The following CLIP3 variants were observed in gnomAD, a reference collection of about 807,000 sequenced individuals.
CLIP3 encodes CAP-Gly domain containing linker protein 3.
Under a neutral mutation model 59.4 loss-of-function variants are expected in CLIP3, and 15 were observed. The observed-to-expected ratio is 0.25, with a 90% CI of 0.17 to 0.39. CLIP3 has a LOEUF of 0.39. Among genes scored for constraint, CLIP3 ranks in the 10% least tolerant of loss-of-function variants. CLIP3 has a pLI of 1.00. For synonymous variants in CLIP3, 300 were observed against 321.6 expected (o/e 0.93, Z 0.72); for missense variants, 495 against 765.7 (o/e 0.65, Z 4.17).
chr19:36,017,936 C>T lies in CLIP3; in HGVS notation c.1239G>A (p.Gly413=), dbSNP rs1311285974. 6.2e-7 allele frequency: 1 copy of T among 1,614,076 alleles called. No individual in the cohort carries two copies. ...PSLGSLQQRD[G]AKAEVGDQVL... The stretch of plus-strand genomic sequence containing the variant: ...CCTGGTCTCCAACCTCAGCCTTGGC[C>T]CCGTCACGCTGCTGCAAGCTGCCCA... Residue 413 remains glycine, a synonymous_variant, in exon 10 of 14, where the codon GGG becomes GGA. Coordinates refer to ENST00000360535, the MANE Select transcript of CLIP3 (RefSeq NM_015526.3).
chr19:36,030,995 C>CT (rs1263492540), intron 2 of CLIP3, among the ~76,000 whole-genome samples: 14 of 113,340 alleles, frequency 1.2e-4, no homozygotes, highest in African/African-American at 4.4e-4. Context: ...TTTCTTTTTT[C>CT]TTTTTTTCTT....
chr19:36,021,433 C>T (rs373206382), intron 7 of CLIP3, among the ~76,000 whole-genome samples: 49 of 151,004 alleles, frequency 3.2e-4, no homozygotes, highest in East Asian at 1.2e-3. Flanking sequence ...TACAGGTGTG[C>T]GCCACCATGC....
intron 7 of CLIP3, among the ~76,000 whole-genome samples, chr19:36,019,795 G>T (rs1273149669): frequency 2.0e-5 from 3 of 151,592 alleles, no homozygotes; most frequent in African/African-American, 7.3e-5. Flanking sequence ...TAGAGACGGG[G>T]CTTCGCCATG....
chr19:36,024,251 A>G, intron 7 of CLIP3, 145 bp downstream of exon 7: 1 of 669,828 alleles, frequency 1.5e-6, no homozygotes, highest in Non-Finnish European at 2.5e-6. Flanking sequence ...AACAACTGAG[A>G]TAAAATCAAG....
In CLIP3 at chr19:36,017,941, C is replaced by CA; in HGVS notation, c.1233dup (p.Asp412Ter). The stretch of plus-strand genomic sequence containing the variant: ...TCTCCAACCTCAGCCTTGGCCCCGT[C>CA]ACGCTGCTGCAAGCTGCCCAGAGAT... On this transcript the variant is annotated frameshift_variant, in exon 10 of 14. Transcript: ENST00000360535. LOFTEE classifies it high-confidence loss of function. 6.2e-7 allele frequency: 1 copy of CA among 1,614,154 alleles called. No individual in the cohort carries two copies.
rs930253954 is a variant in CLIP3, at chr19:36,015,037, CTG to C, written c.*1119_*1120del. 2.6e-5 allele frequency: 4 copies of C among 152,226 alleles called. No homozygotes were observed. The highest frequency in any genetic ancestry group is 9.7e-5 in the African/African-American group (4 of 41,422). The allele number at this position is 152,226 out of a possible 1,614,324, so 9.4% of individuals were successfully genotyped here. On this transcript the variant is annotated 3_prime_UTR_variant, in exon 14 of 14. Coordinates refer to ENST00000360535, the MANE Select transcript of CLIP3 (RefSeq NM_015526.3). ...CTCCAGTTTCCAGGGATGGGAATTC[CTG>C]TGTGGGGTTTCCTGGTGCCTGTGAA...
intron 2 of CLIP3, among the ~76,000 whole-genome samples, chr19:36,029,407 C>A (rs1969200900): frequency 1.3e-5 from 2 of 151,476 alleles, no homozygotes; most frequent in South Asian, 4.2e-4. Context: ...CTGCTTCAGC[C>A]TCCCTGGTAG....
At position 36,017,922 on chromosome 19, in the gene CLIP3, A is replaced by G. The variant is rs767691706; in HGVS notation, c.1253T>C (p.Val418Ala). ...LQQRDGAKAE[V>A]GDQVLVAGQK... ...GCCCGCGACAAGGACCTGGTCTCCAACCTCAGCCTTGGCCCCGTCACGCTG... is the reference window on the plus strand; with the variant it reads ...GCCCGCGACAAGGACCTGGTCTCCAGCCTCAGCCTTGGCCCCGTCACGCTG... The change falls in exon 10 of 14, where the codon GTT (valine) becomes GCT (alanine). Residue 418 changes from valine to alanine, a missense_variant. By Grantham distance (64) the Val-to-Ala change is moderately conservative (BLOSUM62 0). Around this residue, in one of 5 missense-constraint regions of CLIP3, gnomAD observed 179 missense variants for 226.2 expected, o/e 0.79. Coordinates refer to ENST00000360535, the MANE Select transcript of CLIP3 (RefSeq NM_015526.3). The G allele has an allele frequency of 3.1e-6, 5 of 1,614,090 alleles. No homozygotes were observed. In the Middle Eastern group the frequency reaches 4.9e-4, roughly 160 times the overall value.
At chr19:36,020,716 G>T (rs1968930568) in intron 7 of CLIP3, among the ~76,000 whole-genome samples, 1 of 152,188 alleles carries the variant, frequency 6.6e-6, no homozygotes, top group South Asian at 2.1e-4. Flanking sequence ...GTAGCTTGTA[G>T]CTACTTTACT....
In CLIP3 at chr19:36,018,142, G is replaced by A. The variant is rs1968851272; in HGVS notation, c.1184-151C>T. On this transcript the variant is annotated intron_variant, in intron 9 of 13. Coordinates refer to ENST00000360535, the MANE Select transcript of CLIP3 (RefSeq NM_015526.3). ...GCCAGAGAATTAGGAAGGGGCTTTA[G>A]GCCTGAAGGGAAACTGAGTCAGAGA... The A allele has an allele frequency of 3.4e-6, 3 of 894,162 alleles. No individual in the cohort carries two copies. The Admixed American group carries it at 8.5e-5, about 25-fold the overall frequency. The allele number at this position is 894,162 out of a possible 1,614,324, so 55.4% of individuals were successfully genotyped here.
chr19:36,024,330 TC>T lies in CLIP3; in HGVS notation c.918+65del, dbSNP rs1969035252. 148 of 1,420,358 alleles carry T rather than the reference TC, an allele frequency of 1.0e-4. 3 individuals carry two copies. In the South Asian group the frequency reaches 1.5e-3, roughly 14 times the overall value. 88.0% of individuals were successfully genotyped at this position (1,420,358 alleles called of 1,614,324 possible). A position where few individuals can be genotyped will look rare whatever the true frequency, so the allele number is the denominator to read the frequency against. On this transcript the variant is annotated intron_variant, in intron 7 of 13. Coordinates refer to ENST00000360535, the MANE Select transcript of CLIP3 (RefSeq NM_015526.3). ...ACTGCACTCTGCCCGAGGACGCAGC[TC>T]CAAGGGATTAAGGGGCTGAGTCCCA...
Position 36,026,107 on chromosome 19 carries a change from G to T in CLIP3, c.681+40C>A. On this transcript the variant is annotated intron_variant, in intron 6 of 13. Coordinates refer to ENST00000360535, the MANE Select transcript of CLIP3 (RefSeq NM_015526.3). The surrounding 1 kb of genome is among the most constrained non-coding windows in gnomAD (Gnocchi z 6.3). Reference sequence around the variant, plus strand: ...GCTGGAGGGAAGTGGGGGAGGAAGGGAGCAGGAGGGTAACGGGTTCTGGGC... The same window carrying T: ...GCTGGAGGGAAGTGGGGGAGGAAGGTAGCAGGAGGGTAACGGGTTCTGGGC... 1 of 1,487,130 alleles carries T rather than the reference G, an allele frequency of 6.7e-7. No individual in the cohort carries two copies. Among genetic ancestry groups the T allele is most frequent in the Non-Finnish European group, 9.4e-7 (1 of 1,066,818 alleles). 92.1% of individuals were successfully genotyped at this position (1,487,130 alleles called of 1,614,324 possible). A position where few individuals can be genotyped will look rare whatever the true frequency, so the allele number is the denominator to read the frequency against.
At chr19:36,025,610 TAGAG>T (rs932030527) in intron 6 of CLIP3, among the ~76,000 whole-genome samples, 19 of 144,528 alleles carry the variant, frequency 1.3e-4, no homozygotes, top group Admixed American at 8.2e-4. Flanking sequence ...AAAAAAAAAT[TAGAG>T]AGAGTGAGAG....
chr19:36,016,000 T>C lies in CLIP3; in HGVS notation c.*158A>G. 6.9e-6 allele frequency: 5 copies of C among 719,998 alleles called. No individual in the cohort carries two copies. The highest frequency in any genetic ancestry group is 1.2e-5 in the Non-Finnish European group (5 of 407,298). 44.6% of individuals were successfully genotyped at this position (719,998 alleles called of 1,614,324 possible). A position where few individuals can be genotyped will look rare whatever the true frequency, so the allele number is the denominator to read the frequency against. ...GTATTTGGGGGTTATTATGGGAGTA[T>C]CTGTTAATAATGGGGCCTCAATGAT... is the stretch of plus-strand genomic sequence containing the variant. On this transcript the variant is annotated 3_prime_UTR_variant, in exon 14 of 14. Transcript: ENST00000360535.
Position 36,032,551 on chromosome 19 carries a change from G to A in CLIP3, c.-58-136C>T. 5.1e-6 allele frequency: 2 copies of A among 390,242 alleles called. No homozygotes were observed. Among genetic ancestry groups the A allele is most frequent in the Non-Finnish European group, 9.0e-6 (2 of 221,290 alleles). The allele number at this position is 390,242 out of a possible 1,614,324, so 24.2% of individuals were successfully genotyped here. On this transcript the variant is annotated intron_variant, in intron 1 of 13. Coordinates refer to ENST00000360535, the MANE Select transcript of CLIP3 (RefSeq NM_015526.3). The surrounding 1 kb of genome is among the most constrained non-coding windows in gnomAD (Gnocchi z 4.3). ...TAGGGACCCCCGTTACCCATAGAGG[G>A]CCCCGGTGTGTGCGCCCAGCGCCTG...
intron 7 of CLIP3, chr19:36,019,517 A>G: frequency 1.5e-6 from 1 of 650,522 alleles, no homozygotes; most frequent in Non-Finnish European, 2.8e-6. Context: ...CTCACCTTAT[A>G]GGATTGTTAA....
At chr19:36,017,238 T>G (rs777588898) in intron 12 of CLIP3, 148 bp downstream of exon 12, 31 of 869,724 alleles carry the variant, frequency 3.6e-5, no homozygotes, top group Non-Finnish European at 5.4e-5. Context: ...AGCACCTATC[T>G]TTTTGTGGAC....
Position 36,022,740 on chromosome 19 carries a change from G to A in CLIP3, c.918+1656C>T, listed in dbSNP as rs548460971. ...GTTTGAGACCAGCCTGGCCAATATG[G>A]TGAAACCCGTTGCTACTAAAAATAA... is the stretch of plus-strand genomic sequence containing the variant. On this transcript the variant is annotated intron_variant, in intron 7 of 13. Transcript: ENST00000360535. Among the ~76,000 whole-genome samples the A allele has an allele frequency of 3.3e-5, 5 of 152,088 alleles. No homozygotes were observed. In the South Asian group the frequency reaches 1.0e-3, roughly 32 times the overall value.
At position 36,023,056 on chromosome 19, in the gene CLIP3, A is replaced by G. The variant is rs367889059; in HGVS notation, c.918+1340T>C. On this transcript the variant is annotated intron_variant, in intron 7 of 13. Coordinates refer to ENST00000360535, the MANE Select transcript of CLIP3 (RefSeq NM_015526.3). The stretch of plus-strand genomic sequence containing the variant: ...GGCGACAGAGCAAGACTCCATCTCA[A>G]AATAATAATAATAATAATCATAATA... Among the ~76,000 whole-genome samples, 224 of 152,122 alleles carry G rather than the reference A, an allele frequency of 1.5e-3. 1 individual carries two copies. Among genetic ancestry groups the G allele is most frequent in the East Asian group, 5.4e-3 (28 of 5,174 alleles).
Sources: allele counts gnomAD v4.1 joint callset (sites outside exome capture counted in the v4.1 genomes callset), GRCh38; gene constraint gnomAD v4.1.1; regional missense constraint gnomAD v4.1.1; non-coding constraint Gnocchi (gnomAD v3.1); transcripts MANE v1.5; gene names NCBI Gene and HGNC (gene_info 2026-07-23, HGNC 2026-07-21).